ARAP2: variants seen among roughly 807,000 people sequenced by gnomAD.
The protein encoded by ARAP2 is arf-GAP with Rho-GAP domain, ANK repeat and PH domain-containing protein 2.
In ARAP2, 148 loss-of-function variants were observed where a neutral mutation model predicts 194.5. That is an observed-to-expected ratio of 0.76 (90% CI 0.67 to 0.87). ARAP2 has a LOEUF of 0.87. Ranked by LOEUF, ARAP2 falls within the 40% of genes least tolerant of loss-of-function variation. The pLI, the probability that ARAP2 is intolerant of heterozygous loss-of-function variation, is 0.00. For missense variants in ARAP2, 2,128 were observed against 1,989.7 expected (o/e 1.07, Z -1.32); for synonymous variants, 695 against 683.5 (o/e 1.02, Z -0.26).
At chr4:36,232,577 T>C (rs1751698260) in intron 1 of ARAP2, among the ~76,000 whole-genome samples, 1 of 152,220 alleles carries the variant, frequency 6.6e-6, no homozygotes, top group Non-Finnish European at 1.5e-5. Flanking sequence ...TCATTCACTT[T>C]AGTCCACTCT....
rs373750680 is a variant in ARAP2, at chr4:36,151,002, C to T, written c.2795G>A (p.Ser932Asn). Residue 932 changes from serine to asparagine, a missense_variant, in exon 16 of 33, where the codon AGT (serine) becomes AAT (asparagine). Transcript: ENST00000303965. ...GGTAGACTTATCATTTTCATAGTAA[C>T]TCAAGAAGCCTCCTTCCAAAACACA... is the stretch of plus-strand genomic sequence containing the variant. ...KWCVLEGGFL[S>N]YYENDKSTTP... is the part of the protein sequence containing the mutation. 6 of 1,610,398 alleles carry T rather than the reference C, an allele frequency of 3.7e-6. No individual in the cohort carries two copies. In the African/African-American group the frequency reaches 8.0e-5, roughly 22 times the overall value.
chr4:36,050,409 G>T (rs970240149), intron 3 of ARAP2, among the ~76,000 whole-genome samples: 1 of 152,030 alleles, frequency 6.6e-6, no homozygotes, highest in East Asian at 1.9e-4. Context: ...CAAAATAAGG[G>T]TATTCCAAAC....
In ARAP2 at chr4:36,187,685, T is replaced by A. The variant is rs1256696095; in HGVS notation, c.1558-114A>T. Reference sequence around the variant, plus strand: ...TTCTCTTTATAATTTCAATCCAAATTTTTTAAATGCCATACAAGTAATTTG... The same window carrying A: ...TTCTCTTTATAATTTCAATCCAAATATTTTAAATGCCATACAAGTAATTTG... On this transcript the variant is annotated intron_variant, in intron 7 of 32. Transcript: ENST00000303965. The A allele has an allele frequency of 4.4e-5, 39 of 884,794 alleles. No individual in the cohort carries two copies. In the Admixed American group the frequency reaches 1.2e-3, roughly 28 times the overall value. The allele number at this position is 884,794 out of a possible 1,614,324, so 54.8% of individuals were successfully genotyped here.
At chr4:36,047,280 G>C (rs1484369060) in intron 3 of ARAP2, 1 of 152,296 alleles carries the variant, frequency 6.6e-6, no homozygotes, top group Non-Finnish European at 1.5e-5. Context: ...GCTTTCACCA[G>C]GGGACAAAGT....
downstream of ARAP2, chr4:36,065,196 A>T (rs1205028085): frequency 2.8e-6 from 1 of 358,858 alleles, no homozygotes; most frequent in African/African-American, 2.1e-5. Flanking sequence ...AACTCCACAA[A>T]CTTGATCTTC....
intron 6 of ARAP2, among the ~76,000 whole-genome samples, chr4:36,200,200 A>T (rs748639176): frequency 1.3e-5 from 2 of 152,050 alleles, no homozygotes; most frequent in Non-Finnish European, 2.9e-5. Context: ...TTAAAGATAA[A>T]ACTTTACACT....
chr4:36,019,830 C>T (rs570657119), intron 5 of ARAP2, among the ~76,000 whole-genome samples: 14 of 152,194 alleles, frequency 9.2e-5, no homozygotes, highest in African/African-American at 2.6e-4. Context: ...ATAGTTTCTC[C>T]TTAAGTCCCA....
In ARAP2 at chr4:36,147,237, A is replaced by G. The variant is rs549555690; in HGVS notation, c.3263+59T>C. The G allele has an allele frequency of 5.3e-6, 8 of 1,500,662 alleles. No individual in the cohort carries two copies. The South Asian group carries it at 8.3e-5, about 16-fold the overall frequency. The allele number at this position is 1,500,662 out of a possible 1,614,324, so 93.0% of individuals were successfully genotyped here. Reference sequence around the variant, plus strand: ...TTCTCCCTCAAGATAATAACAAAAAACAAAATCCCGCTGCCCAGAGTTGTT... The same window carrying G: ...TTCTCCCTCAAGATAATAACAAAAAGCAAAATCCCGCTGCCCAGAGTTGTT... On this transcript the variant is annotated intron_variant, in intron 19 of 32. Transcript: ENST00000303965.
chr4:36,211,013 G>C (rs1746636270), intron 5 of ARAP2, among the ~76,000 whole-genome samples: 1 of 152,026 alleles, frequency 6.6e-6, no homozygotes, highest in South Asian at 2.1e-4. Context: ...TTAGGGGCAG[G>C]TGCTAAGAAT....
rs747975987 is a variant in ARAP2 at position 36,080,265 on chromosome 4, T to C, written c.4559A>G (p.Asp1520Gly). 3.1e-6 allele frequency: 5 copies of C among 1,612,988 alleles called. No homozygotes were observed. Among genetic ancestry groups the C allele is most frequent in the Non-Finnish European group, 4.2e-6 (5 of 1,179,252 alleles). ...CCACTCCGTCTGAGTTCGTGAACTA[T>C]CACAACACAGGTGCCTGCAAAACGA... Reference protein sequence around the residue: ...SEKHHWHLCCDSSRTQTEWMT... With the variant: ...SEKHHWHLCCGSSRTQTEWMT... The change falls in exon 31 of 33, where the codon GAT (aspartate) becomes GGT (glycine). Residue 1520 changes from aspartate (D) to glycine (G), a missense_variant. Asp to Gly is a moderately conservative substitution (Grantham distance 94). Transcript: ENST00000303965.
intron 32 of ARAP2, among the ~76,000 whole-genome samples, chr4:36,068,619 T>C (rs1189668594): frequency 6.6e-6 from 1 of 152,188 alleles, no homozygotes; most frequent in Non-Finnish European, 1.5e-5. Context: ...TCTCTCGTGA[T>C]GATGGGCAGT....
rs931588609 is a variant in ARAP2 at position 36,178,067 on chromosome 4, G to A, written c.1679-62C>T. The A allele has an allele frequency of 1.9e-5, 27 of 1,430,606 alleles. No individual in the cohort carries two copies. In the East Asian group the frequency reaches 3.1e-4, roughly 16 times the overall value. 88.6% of individuals were successfully genotyped at this position (1,430,606 alleles called of 1,614,324 possible). ...ATATAAGTTACATAGACACAGAAAC[G>A]TCAAGAAGAAATCCATGCCCTTTGC... is the stretch of plus-strand genomic sequence containing the variant. On this transcript the variant is annotated intron_variant, in intron 8 of 32. Coordinates refer to ENST00000303965, the MANE Select transcript of ARAP2 (RefSeq NM_015230.4).
At chr4:36,215,961 T>A (rs1048925467) in intron 2 of ARAP2, among the ~76,000 whole-genome samples, 7 of 151,960 alleles carry the variant, frequency 4.6e-5, no homozygotes, top group Non-Finnish European at 8.8e-5. Flanking sequence ...GCTATTTTTT[T>A]AAGCCTGGGC....
intron 26 of ARAP2, 56 bp from the exon 27 acceptor site, chr4:36,107,749 A>G: frequency 6.7e-7 from 1 of 1,502,544 alleles, no homozygotes; most frequent in East Asian, 2.4e-5. Flanking sequence ...ACAATTTTTT[A>G]TTTTATAATC....
chr4:36,109,773 T>C (rs1386309311), intron 26 of ARAP2, among the ~76,000 whole-genome samples: 3 of 151,914 alleles, frequency 2.0e-5, no homozygotes, highest in African/African-American at 7.2e-5. Flanking sequence ...ACAGGTTTGT[T>C]ACATATGTAT....
intron 29 of ARAP2, among the ~76,000 whole-genome samples, chr4:36,082,823 G>T (rs1344456625): frequency 1.3e-5 from 2 of 152,190 alleles, no homozygotes; most frequent in East Asian, 1.9e-4. Flanking sequence ...CAAATGCTGG[G>T]GTACATGAAG....
At chr4:36,214,762 G>T (rs1747537619) in intron 2 of ARAP2, among the ~76,000 whole-genome samples, 1 of 152,126 alleles carries the variant, frequency 6.6e-6, no homozygotes. Flanking sequence ...ACAAGTGTTT[G>T]CTACTCACAT....
chr4:36,193,358 T>C (rs890170158), intron 7 of ARAP2, among the ~76,000 whole-genome samples: 2 of 152,216 alleles, frequency 1.3e-5, no homozygotes, highest in African/African-American at 4.8e-5. Context: ...GAGCATGTGG[T>C]TAAATCTTAA....
intron 5 of ARAP2, among the ~76,000 whole-genome samples, chr4:36,041,330 C>T (rs189824003): frequency 6.6e-6 from 1 of 151,910 alleles, no homozygotes; most frequent in Non-Finnish European, 1.5e-5. Context: ...AACAAATTTA[C>T]AAGAGAAAAA....
Sources: allele counts gnomAD v4.1 joint callset (sites outside exome capture counted in the v4.1 genomes callset), GRCh38; gene constraint gnomAD v4.1.1; transcripts MANE v1.5; gene names NCBI Gene and HGNC (gene_info 2026-07-23, HGNC 2026-07-21).